PKNOX2: variants seen among roughly 807,000 people sequenced by gnomAD.
PKNOX2 encodes the protein homeobox protein PKNOX2.
A neutral mutation model predicts 53.1 loss-of-function variants in PKNOX2; 14 were observed. The observed-to-expected ratio is 0.26, with a 90% CI of 0.17 to 0.41. The LOEUF (loss-of-function observed/expected upper bound fraction) is 0.41, where lower values mean the gene tolerates loss of function less well. Among genes scored for constraint, PKNOX2 ranks in the 10% least tolerant of loss-of-function variants. PKNOX2 has a pLI of 1.00. For missense variants in PKNOX2, 496 were observed against 602.8 expected (o/e 0.82, Z 1.85); for synonymous variants, 257 against 242.8 (o/e 1.06, Z -0.54).
chr11:125,431,340 A>C lies in PKNOX2; in HGVS notation c.1367A>C (p.Gln456Pro). ...CTGGAGGAGGAGGTCGACGAGCTGC[A>C]GACGACAAATGTCAGCGACCTGGGC... ...EELEEEVDEL[Q>P]TTNVSDLGLE... Residue 456 changes from glutamine to proline, a missense_variant, in exon 13 of 13, where the codon CAG (glutamine) becomes CCG (proline). Gln to Pro is a moderately conservative substitution (Grantham distance 76, BLOSUM62 -1). Around this residue, in one of 5 missense-constraint regions of PKNOX2, gnomAD observed 139 missense variants for 161.3 expected, o/e 0.86. Transcript: ENST00000298282. 6.2e-7 allele frequency: 1 copy of C among 1,613,782 alleles called. No homozygotes were observed. The highest frequency in any genetic ancestry group is 8.5e-7 in the Non-Finnish European group (1 of 1,179,944).
At chr11:125,246,527 C>T (rs1398090192) in intron 2 of PKNOX2, among the ~76,000 whole-genome samples, 1 of 152,186 alleles carries the variant, frequency 6.6e-6, no homozygotes, top group Non-Finnish European at 1.5e-5. Flanking sequence ...CCGGTTTGCC[C>T]TGTGGTCTGG....
intron 3 of PKNOX2, among the ~76,000 whole-genome samples, chr11:125,347,317 A>C (rs1035221122): frequency 1.3e-5 from 2 of 152,190 alleles, no homozygotes; most frequent in Admixed American, 6.5e-5. Flanking sequence ...TTTGTGTCTC[A>C]TCCTTAAGGC....
At chr11:125,296,934 G>T (rs976062509) in intron 2 of PKNOX2, among the ~76,000 whole-genome samples, 1 of 152,172 alleles carries the variant, frequency 6.6e-6, no homozygotes, top group Non-Finnish European at 1.5e-5. Flanking sequence ...GCGCTCAGCG[G>T]TTTATTATCT....
intron 3 of PKNOX2, among the ~76,000 whole-genome samples, chr11:125,343,676 T>C (rs926215465): frequency 2.6e-5 from 4 of 152,170 alleles, no homozygotes; most frequent in East Asian, 1.9e-4. Context: ...TTGTAAAATA[T>C]ATCAGCAGCT....
At chr11:125,312,195 G>A (rs1382803860) in intron 2 of PKNOX2, among the ~76,000 whole-genome samples, 1 of 152,198 alleles carries the variant, frequency 6.6e-6, no homozygotes, top group Non-Finnish European at 1.5e-5. Flanking sequence ...GTAAGGGGTG[G>A]AGTGCTGTGT....
chr11:125,176,857 G>C (rs1169342833), intron 1 of PKNOX2, among the ~76,000 whole-genome samples: 2 of 152,192 alleles, frequency 1.3e-5, no homozygotes, highest in African/African-American at 4.8e-5. Context: ...CACAGAGCAG[G>C]ATGCAATTCC....
At chr11:125,179,230 A>G (rs1283984186) in intron 1 of PKNOX2, among the ~76,000 whole-genome samples, 1 of 152,232 alleles carries the variant, frequency 6.6e-6, no homozygotes, top group East Asian at 1.9e-4. Context: ...GAGCAAACTC[A>G]GGTGGCTTCT....
intron 2 of PKNOX2, among the ~76,000 whole-genome samples, chr11:125,305,380 C>G (rs985502789): frequency 6.6e-6 from 1 of 152,208 alleles, no homozygotes; most frequent in African/African-American, 2.4e-5. Context: ...GGGCTCTCAG[C>G]AAGACCACAA....
intron 10 of PKNOX2, among the ~76,000 whole-genome samples, chr11:125,424,645 C>T (rs1204813830): frequency 1.3e-5 from 2 of 152,188 alleles, no homozygotes; most frequent in East Asian, 1.9e-4. Flanking sequence ...CTCCATGCCC[C>T]GCTCCACCAG....
At chr11:125,306,834 C>T (rs1392093025) in intron 2 of PKNOX2, among the ~76,000 whole-genome samples, 1 of 152,218 alleles carries the variant, frequency 6.6e-6, no homozygotes, top group Non-Finnish European at 1.5e-5. Context: ...CCACTACCCC[C>T]TCCCCCATTT....
At chr11:125,408,739 C>G (rs1591561154) in intron 7 of PKNOX2, among the ~76,000 whole-genome samples, 2 of 152,110 alleles carry the variant, frequency 1.3e-5, no homozygotes, top group African/African-American at 4.8e-5. Flanking sequence ...GGAGGAGATT[C>G]GCCATGGCTG....
At chr11:125,201,032 C>T (rs907385302) in intron 1 of PKNOX2, among the ~76,000 whole-genome samples, 9 of 152,186 alleles carry the variant, frequency 5.9e-5, no homozygotes, top group Non-Finnish European at 1.2e-4. Context: ...TTAATGCAGA[C>T]CACTGTCCTC....
intron 4 of PKNOX2, among the ~76,000 whole-genome samples, chr11:125,358,118 C>T (rs1951719104): frequency 6.6e-6 from 1 of 152,202 alleles, no homozygotes; most frequent in Non-Finnish European, 1.5e-5. Flanking sequence ...TTTTCACCCT[C>T]ACCCCAACTT....
intron 10 of PKNOX2, among the ~76,000 whole-genome samples, chr11:125,417,130 G>C (rs1475023293): frequency 6.6e-6 from 1 of 151,984 alleles, no homozygotes; most frequent in African/African-American, 2.4e-5. Context: ...CAGGTCGGCC[G>C]AGAGCCCATG....
intron 2 of PKNOX2, among the ~76,000 whole-genome samples, chr11:125,248,425 C>T (rs578089829): frequency 1.1e-4 from 17 of 152,176 alleles, no homozygotes; most frequent in African/African-American, 3.9e-4. Context: ...ACAGAGTAAA[C>T]AAGATGGGCC....
rs138766324 is a variant in PKNOX2 at position 125,178,991 on chromosome 11, C to T, written c.-201+14215C>T. Among the ~76,000 whole-genome samples the T allele has an allele frequency of 2.4e-4, 36 of 152,106 alleles. No homozygotes were observed. The East Asian group carries it at 5.1e-3, about 21-fold the overall frequency. ...ACGGTGTGGTGTCGGGCTCGGATGG[C>T]GCAGGTCCTTCCCCTTCAAGCCTTG... On this transcript the variant is annotated intron_variant, in intron 1 of 12. Transcript: ENST00000298282.
chr11:125,417,129 C>T (rs1186133315), intron 10 of PKNOX2, among the ~76,000 whole-genome samples: 3 of 152,090 alleles, frequency 2.0e-5, no homozygotes, highest in Admixed American at 1.3e-4. Flanking sequence ...TCAGGTCGGC[C>T]GAGAGCCCAT....
At chr11:125,268,061 G>T (rs1000766552) in intron 2 of PKNOX2, among the ~76,000 whole-genome samples, 2 of 152,198 alleles carry the variant, frequency 1.3e-5, no homozygotes, top group African/African-American at 2.4e-5. Context: ...TCCTCTGAGG[G>T]TCTCTGGCCT....
chr11:125,277,195 C>T (rs188775649), intron 2 of PKNOX2, among the ~76,000 whole-genome samples: 58 of 152,154 alleles, frequency 3.8e-4, no homozygotes, highest in South Asian at 1.0e-3. Context: ...ATCTAGGAAA[C>T]GGCCATGTGA....
Sources: gnomAD v4.1 joint callset for allele counts (sites outside exome capture counted in the v4.1 genomes callset) on GRCh38, gnomAD v4.1.1 for gene constraint, gnomAD v4.1.1 regional missense constraint, MANE v1.5 for transcripts, NCBI Gene and HGNC (gene_info 2026-07-23, HGNC 2026-07-21) for gene names.